The following AGT variants were observed in gnomAD, a reference collection of about 807,000 sequenced individuals.
The protein encoded by AGT is alpha-1 antiproteinase, antitrypsin.
Under a neutral mutation model 28.1 loss-of-function variants are expected in AGT, and 26 were observed. The observed-to-expected ratio is 0.92, with a 90% CI of 0.68 to 1.28. The LOEUF (loss-of-function observed/expected upper bound fraction) is 1.28. AGT is among the 50% of genes most tolerant of loss of function. The pLI is 0.00. For synonymous variants in AGT, 259 were observed against 259.6 expected, an observed-to-expected ratio of 1.00 and a Z score of 0.02; for missense variants, 596 against 592.3, an observed-to-expected ratio of 1.01 and a Z score of -0.06.
chr1:230,723,611 TA>T lies in AGT; in HGVS notation c.-30-12759del, dbSNP rs138062327. ...CTAGTAACTCTAAGCCATGACTGAA[TA>T]CCAAAGCTAGTGTCATGCTTTCCTT... On this transcript the variant is annotated intron_variant, in intron 1 of 4. Coordinates refer to the AGT transcript ENST00000681269. Among the ~76,000 whole-genome samples the T allele has an allele frequency of 4.1e-4, 62 of 152,342 alleles. No individual in the cohort carries two copies. The East Asian group carries it at 0.01, about 25-fold the overall frequency.
chr1:230,703,949 G>A (rs897564239), intron 4 of AGT, among the ~76,000 whole-genome samples: 1 of 152,190 alleles, frequency 6.6e-6, no homozygotes, highest in Non-Finnish European at 1.5e-5. Context: ...GCAAGGCCAA[G>A]CAGGACCATG....
chr1:230,711,038 T>C (rs1219633465), intron 1 of AGT, among the ~76,000 whole-genome samples, 185 bp from the exon 2 acceptor site: 2 of 152,200 alleles, frequency 1.3e-5, no homozygotes, highest in African/African-American at 4.8e-5. Context: ...ATGATCCAAG[T>C]GCAAAATGCA....
intron 1 of AGT, among the ~76,000 whole-genome samples, chr1:230,721,577 T>C (rs1663844123): frequency 6.6e-6 from 1 of 152,180 alleles, no homozygotes; most frequent in East Asian, 1.9e-4. Flanking sequence ...GACAGGAAGA[T>C]GTGGGAAAGT....
chr1:230,736,772 T>C (rs771544558), intron 1 of AGT, among the ~76,000 whole-genome samples: 5 of 152,070 alleles, frequency 3.3e-5, no homozygotes, highest in Non-Finnish European at 5.9e-5. Context: ...GCCCCAAAGC[T>C]CAGTTTCCTG....
chr1:230,731,595 A>G (rs1279831541), intron 1 of AGT, among the ~76,000 whole-genome samples: 2 of 152,144 alleles, frequency 1.3e-5, no homozygotes, highest in African/African-American at 2.4e-5. Context: ...GCCAGACACG[A>G]TGGCTCACGT....
chr1:230,738,692 G>T (rs911902298), intron 1 of AGT, among the ~76,000 whole-genome samples: 2 of 152,126 alleles, frequency 1.3e-5, no homozygotes, highest in Admixed American at 6.5e-5. Flanking sequence ...TCAGAAAATG[G>T]TGCATTAAAA....
intron 1 of AGT, among the ~76,000 whole-genome samples, chr1:230,722,854 A>C (rs968424517): frequency 6.6e-6 from 1 of 152,202 alleles, no homozygotes; most frequent in Non-Finnish European, 1.5e-5. Context: ...TTTTGGGTTA[A>C]TGCTGGAATG....
chr1:230,706,027 G>T lies in AGT; in HGVS notation c.1003C>A (p.Leu335Met). 6.2e-7 allele frequency: 1 copy of T among 1,614,198 alleles called. No homozygotes were observed. Among genetic ancestry groups the T allele is most frequent in the African/African-American group, 1.3e-5 (1 of 75,058 alleles). ...TCAGAGGCATAGTGAGGCTGGATCA[G>T]CAGCAGGCAGGCGCTCTCAGTGAAG... ...VPFTESACLL[L>M]IQPHYASDLD... The change falls in exon 3 of 5, where the codon CTG becomes ATG. Residue 335 changes from leucine to methionine, a missense_variant. Physicochemically the swap from Leu to Met is conservative, Grantham distance 15 (BLOSUM62 2). Transcript: ENST00000366667.
In AGT at chr1:230,710,121, G is replaced by A. The variant is rs374685064; in HGVS notation, c.703C>T (p.Leu235=). Residue 235 remains leucine, a synonymous_variant, in exon 2 of 5, where the codon CTG becomes TTG. Transcript: ENST00000366667. ...TCAATCTTCTCAGCAGCAACATCCA[G>A]TTCTGTGAAGTCCAGAGAGCGTGGG... ...VLPRSLDFTE[L]DVAAEKIDRF... is the part of the protein sequence containing the mutation. 74 of 1,614,064 alleles carry A rather than the reference G, an allele frequency of 4.6e-5. No homozygotes were observed. In the African/African-American group the frequency reaches 7.3e-4, roughly 16 times the overall value.
At chr1:230,708,278 A>T (rs1394491590) in intron 2 of AGT, among the ~76,000 whole-genome samples, 1 of 152,010 alleles carries the variant, frequency 6.6e-6, no homozygotes, top group Non-Finnish European at 1.5e-5. Context: ...GGTCAGGTGG[A>T]TGTGCTCTCT....
At chr1:230,742,610 C>T (rs986995055) in intron 1 of AGT, among the ~76,000 whole-genome samples, 1 of 152,152 alleles carries the variant, frequency 6.6e-6, no homozygotes. Flanking sequence ...CCACTGCACC[C>T]GGCCACTTTG....
At position 230,734,916 on chromosome 1, in the gene AGT, A is replaced by G. The variant is rs111511691; in HGVS notation, c.-31+10599T>C. Among the ~76,000 whole-genome samples, 1,038 of 151,838 alleles carry G rather than the reference A, an allele frequency of 6.8e-3. 5 individuals are homozygous for G. The highest frequency in any genetic ancestry group is 0.018 in the African/African-American group (727 of 41,368). ...TGTTTAGTAGAGACAGGGTTTCACCATGTTGGCCAGGATGGTCTCGATCTC... is the reference window on the plus strand; with the variant it reads ...TGTTTAGTAGAGACAGGGTTTCACCGTGTTGGCCAGGATGGTCTCGATCTC... On this transcript the variant is annotated intron_variant, in intron 1 of 4. Coordinates refer to the AGT transcript ENST00000681269.
chr1:230,731,348 A>T (rs1330052384), intron 1 of AGT, among the ~76,000 whole-genome samples: 3 of 152,268 alleles, frequency 2.0e-5, no homozygotes, highest in Middle Eastern at 3.4e-3. Flanking sequence ...TCCATCTGTT[A>T]TCACACAGCA....
chr1:230,744,634 A>T (rs916907171), intron 1 of AGT, among the ~76,000 whole-genome samples: 2 of 152,204 alleles, frequency 1.3e-5, no homozygotes, highest in Non-Finnish European at 2.9e-5. Context: ...ACTCACAATG[A>T]TGATGCAATT....
intron 3 of AGT, among the ~76,000 whole-genome samples, chr1:230,705,057 C>A (rs1663340582): frequency 1.3e-5 from 2 of 152,110 alleles, no homozygotes; most frequent in Non-Finnish European, 1.5e-5. Context: ...CATGGGTGAA[C>A]CTCGAGGACA....
chr1:230,744,428 G>A (rs1664304657), intron 1 of AGT, among the ~76,000 whole-genome samples: 1 of 152,188 alleles, frequency 6.6e-6, no homozygotes, highest in Non-Finnish European at 1.5e-5. Context: ...AGCTCTGCAG[G>A]AAAGATGGAC....
intron 1 of AGT, among the ~76,000 whole-genome samples, chr1:230,744,421 T>C (rs1184353920): frequency 1.3e-5 from 2 of 152,114 alleles, no homozygotes; most frequent in East Asian, 3.9e-4. Flanking sequence ...TGCCATGAGC[T>C]CTGCAGGAAA....
At chr1:230,706,827 C>T (rs543978703) in intron 2 of AGT, among the ~76,000 whole-genome samples, 5 of 152,252 alleles carry the variant, frequency 3.3e-5, no homozygotes, top group East Asian at 1.9e-4. Context: ...TTTGGACGCA[C>T]GTAGAATGAC....
At chr1:230,739,508 C>T (rs1311593347) in intron 1 of AGT, among the ~76,000 whole-genome samples, 3 of 152,030 alleles carry the variant, frequency 2.0e-5, no homozygotes, top group Non-Finnish European at 4.4e-5. Context: ...CTGAGAAGAG[C>T]AAATGAGTTT....
Sources: gnomAD v4.1 joint callset for allele counts (sites outside exome capture counted in the v4.1 genomes callset) on GRCh38, gnomAD v4.1.1 for gene constraint, MANE v1.5 for transcripts, NCBI Gene and HGNC (gene_info 2026-07-23, HGNC 2026-07-21) for gene names.